The following GPR158 variants were observed in gnomAD, a reference collection of about 807,000 sequenced individuals.
GPR158 encodes the protein metabotropic glycine receptor.
GPR158 carries 30 observed loss-of-function variants against 78.2 expected under a neutral mutation model. That is an observed-to-expected ratio of 0.38 (90% confidence interval 0.29 to 0.52). GPR158 has a LOEUF of 0.52. Among genes scored for constraint, GPR158 ranks in the 20% least tolerant of loss-of-function variants. The pLI, the probability that GPR158 is intolerant of heterozygous loss-of-function variation, is 0.83. For missense variants in GPR158, 1,463 were observed against 1,523.5 expected (o/e 0.96, Z 0.66); for synonymous variants, 581 against 591.1 (o/e 0.98, Z 0.25).
chr10:25,425,496 T>C lies in GPR158; in HGVS notation c.1335+13023T>C, dbSNP rs116672932. ...TCTTCTTTTGAGAGTTGTCTATTCA[T>C]GTCCTTAGCCCACCAAGAACCCAAA... On this transcript the variant is annotated intron_variant, in intron 4 of 10. Coordinates refer to ENST00000376351, the MANE Select transcript of GPR158 (RefSeq NM_020752.3). 5.4e-3 allele frequency among the ~76,000 whole-genome samples: 820 copies of C among 152,034 alleles called. 8 individuals carry two copies. The highest frequency in any genetic ancestry group is 0.019 in the African/African-American group (781 of 41,482).
At chr10:25,236,728 T>A (rs11014452) in intron 2 of GPR158, among the ~76,000 whole-genome samples, 20,979 of 151,868 alleles carry the variant, frequency 0.14, 1,874 homozygotes, top group East Asian at 0.31. Flanking sequence ...CAGCCTATTC[T>A]CCACTTCAGG....
chr10:25,191,996 C>T (rs1248361657), intron 1 of GPR158, among the ~76,000 whole-genome samples: 1 of 152,098 alleles, frequency 6.6e-6, no homozygotes, highest in East Asian at 1.9e-4. Context: ...GTACCAGGAC[C>T]ATATTTTGTG....
In GPR158 at chr10:25,175,844, A is replaced by G. The variant is rs1196384928; in HGVS notation, c.424A>G (p.Ser142Gly). 5 of 1,613,668 alleles carry G rather than the reference A, an allele frequency of 3.1e-6. No individual in the cohort carries two copies. In the Admixed American group the frequency reaches 8.3e-5, roughly 27 times the overall value. Reference protein sequence around the residue: ...ATNFLNVMLQSNKSREQNLQD... With the variant: ...ATNFLNVMLQGNKSREQNLQD... ...CAACTTCCTCAACGTGATGCTGCAG[A>G]GCAATAAGTCGCGGGAGCAGAACTT... The change falls in exon 1 of 11, where the codon AGC (serine) becomes GGC (glycine). Residue 142 changes from serine (S) to glycine (G), a missense_variant. Coordinates refer to ENST00000376351, the MANE Select transcript of GPR158 (RefSeq NM_020752.3). This position sits in a 1 kb window ranked among gnomAD's most constrained non-coding sequence, Gnocchi z 6.4.
At chr10:25,419,590 A>G (rs1588854055) in intron 4 of GPR158, among the ~76,000 whole-genome samples, 1 of 152,172 alleles carries the variant, frequency 6.6e-6, no homozygotes, top group South Asian at 2.1e-4. Flanking sequence ...CAGAGGCCCC[A>G]CCATTTTCCA....
In GPR158 at chr10:25,561,601, C is replaced by T. The variant is rs147705592; in HGVS notation, c.1514+10516C>T. Among the ~76,000 whole-genome samples the T allele has an allele frequency of 1.1e-3, 173 of 152,250 alleles. 3 individuals carry two copies. Among genetic ancestry groups the T allele is most frequent in the Admixed American group, 3.8e-3 (58 of 15,292 alleles). On this transcript the variant is annotated intron_variant, in intron 6 of 10. Transcript: ENST00000376351. ...AGCTTTTATGCCAAACTTTTCAAAACTAAACATTTTTGGAGCACAAACACC... is the reference window on the plus strand; with the variant it reads ...AGCTTTTATGCCAAACTTTTCAAAATTAAACATTTTTGGAGCACAAACACC...
intron 2 of GPR158, among the ~76,000 whole-genome samples, chr10:25,254,915 A>G (rs1035998635): frequency 3.9e-5 from 6 of 152,324 alleles, no homozygotes; most frequent in Middle Eastern, 6.8e-3. Context: ...AGCTCAGTTA[A>G]TTTCAATACT....
intron 5 of GPR158, among the ~76,000 whole-genome samples, chr10:25,536,240 C>A (rs1394477686): frequency 3.9e-5 from 6 of 151,916 alleles, no homozygotes; most frequent in East Asian, 1.9e-4. Flanking sequence ...ATATTAATTT[C>A]TTTATTAAAG....
At chr10:25,430,652 A>G (rs899006155) in intron 4 of GPR158, among the ~76,000 whole-genome samples, 30 of 149,626 alleles carry the variant, frequency 2.0e-4, no homozygotes, top group Middle Eastern at 3.4e-3. Flanking sequence ...TGGTACTGGT[A>G]CCAAAACAGA....
At chr10:25,359,081 G>A (rs1245798952) in intron 2 of GPR158, among the ~76,000 whole-genome samples, 2 of 151,588 alleles carry the variant, frequency 1.3e-5, no homozygotes, top group Admixed American at 6.6e-5. Context: ...TGTTATCATT[G>A]ATAAATTTTT....
chr10:25,304,321 T>C (rs911689367), intron 2 of GPR158, among the ~76,000 whole-genome samples: 1 of 152,118 alleles, frequency 6.6e-6, no homozygotes, highest in Non-Finnish European at 1.5e-5. Context: ...TTGTGAGATA[T>C]AAATGTTTCT....
At chr10:25,319,053 A>G (rs1223715468) in intron 2 of GPR158, among the ~76,000 whole-genome samples, 1 of 152,194 alleles carries the variant, frequency 6.6e-6, no homozygotes. Flanking sequence ...CTTTTCTCCT[A>G]CTTGACTGGT....
chr10:25,309,236 T>G (rs887080070), intron 2 of GPR158, among the ~76,000 whole-genome samples: 2 of 152,106 alleles, frequency 1.3e-5, no homozygotes, highest in Non-Finnish European at 2.9e-5. Context: ...TGTGTGTGTT[T>G]TCAATAGCTA....
rs549349248 is a variant in GPR158 at position 25,182,082 on chromosome 10, A to T, written c.902+5760A>T. 1.2e-4 allele frequency among the ~76,000 whole-genome samples: 18 copies of T among 152,170 alleles called. No homozygotes were observed. In the South Asian group the frequency reaches 3.5e-3, roughly 30 times the overall value. Reference sequence around the variant, plus strand: ...CTGCTGAAATCAGTTAATGAATGCTATATAAATGCAGAACATGTTCATATG... The same window carrying T: ...CTGCTGAAATCAGTTAATGAATGCTTTATAAATGCAGAACATGTTCATATG... On this transcript the variant is annotated intron_variant, in intron 1 of 10. Transcript: ENST00000376351.
At chr10:25,595,247 T>G (rs1309256318) in intron 9 of GPR158, among the ~76,000 whole-genome samples, 2 of 152,200 alleles carry the variant, frequency 1.3e-5, no homozygotes, top group Non-Finnish European at 1.5e-5. Context: ...GATTGAAAAG[T>G]CTAAACCATT....
intron 5 of GPR158, among the ~76,000 whole-genome samples, chr10:25,478,609 T>G (rs1835621657): frequency 6.6e-6 from 1 of 152,016 alleles, no homozygotes; most frequent in African/African-American, 2.4e-5. Context: ...CTTTATCAGT[T>G]TAACAAAACC....
chr10:25,513,076 C>G (rs1836106011), intron 5 of GPR158, among the ~76,000 whole-genome samples: 1 of 151,770 alleles, frequency 6.6e-6, no homozygotes, highest in South Asian at 2.1e-4. Context: ...CCCTCTTTCT[C>G]TATCTTTTGG....
chr10:25,524,348 C>G (rs1326386644), intron 5 of GPR158, among the ~76,000 whole-genome samples: 1 of 152,110 alleles, frequency 6.6e-6, no homozygotes, highest in Non-Finnish European at 1.5e-5. Flanking sequence ...TTTCAAAAAG[C>G]AGAACAAAAT....
chr10:25,235,693 ATTTTTTT>A (rs930396368), intron 2 of GPR158, among the ~76,000 whole-genome samples: 7 of 113,790 alleles, frequency 6.2e-5, no homozygotes, highest in East Asian at 2.5e-4. Context: ...TTGCACAGTA[ATTTTTTT>A]TTTTTTTTTT....
At chr10:25,187,782 G>T (rs1288222637) in intron 1 of GPR158, among the ~76,000 whole-genome samples, 2 of 151,704 alleles carry the variant, frequency 1.3e-5, no homozygotes, top group African/African-American at 4.8e-5. Context: ...GTTCTGGCCA[G>T]GGCAATCAGG....
Sources: gnomAD v4.1 joint callset for allele counts (sites outside exome capture counted in the v4.1 genomes callset) on GRCh38, gnomAD v4.1.1 for gene constraint, Gnocchi (gnomAD v3.1) non-coding constraint, MANE v1.5 for transcripts, NCBI Gene and HGNC (gene_info 2026-07-23, HGNC 2026-07-21) for gene names.